FARP1: variants seen among roughly 807,000 people sequenced by gnomAD.
FARP1 encodes the protein FERM, ARH/RhoGEF and pleckstrin domain protein 1.
In FARP1, 52 loss-of-function variants were observed where a neutral mutation model predicts 128.8. The ratio of observed to expected loss-of-function variants is 0.40; its 90% confidence interval spans 0.32 to 0.51. The LOEUF is 0.51. Among genes scored for constraint, FARP1 ranks in the 20% least tolerant of loss-of-function variants. FARP1 has a pLI of 0.45. For synonymous variants in FARP1, 580 were observed against 551.8 expected (o/e 1.05, Z -0.72); for missense variants, 1,333 against 1,367.9 (o/e 0.97, Z 0.40).
At chr13:98,271,504 A>T (rs1396683663) in intron 2 of FARP1, among the ~76,000 whole-genome samples, 1 of 152,186 alleles carries the variant, frequency 6.6e-6, no homozygotes, top group Non-Finnish European at 1.5e-5. Flanking sequence ...TCAACCCGTC[A>T]TCTAGGTTTT....
intron 2 of FARP1, among the ~76,000 whole-genome samples, chr13:98,291,664 G>C (rs970130454): frequency 2.6e-5 from 4 of 152,114 alleles, no homozygotes. Flanking sequence ...CTGGTGCAGG[G>C]AGTCACTCCT....
intron 1 of FARP1, among the ~76,000 whole-genome samples, chr13:98,183,441 T>G (rs1878659554): frequency 6.6e-6 from 1 of 152,348 alleles, no homozygotes; most frequent in South Asian, 2.1e-4. Context: ...GAGGACTATT[T>G]TTTCTGAGCT....
intron 3 of FARP1, among the ~76,000 whole-genome samples, chr13:98,348,757 C>T (rs555492839): frequency 6.6e-6 from 1 of 151,944 alleles, no homozygotes; most frequent in Non-Finnish European, 1.5e-5. Flanking sequence ...TTTTTTTTAA[C>T]CACTGAAAAA....
intron 3 of FARP1, among the ~76,000 whole-genome samples, chr13:98,361,372 A>C (rs181567444): frequency 9.9e-5 from 15 of 152,270 alleles, no homozygotes; most frequent in Non-Finnish European, 2.9e-5. Flanking sequence ...CCTTGGCTCA[A>C]ATAGGTGCTT....
rs1435837752 is a variant in FARP1 at position 98,143,356 on chromosome 13, C to G, written c.-160C>G. Reference sequence around the variant, plus strand: ...TCAGCCGGCCACCGCCAGCCCTGCTCGCGCGCCCGCGCCGCCGCCGCCCGC... The same window carrying G: ...TCAGCCGGCCACCGCCAGCCCTGCTGGCGCGCCCGCGCCGCCGCCGCCCGC... On this transcript the variant is annotated 5_prime_UTR_variant, in exon 1 of 27. Coordinates refer to ENST00000319562, the MANE Select transcript of FARP1 (RefSeq NM_005766.4). 2 of 149,820 alleles carry G rather than the reference C, an allele frequency of 1.3e-5. No individual in the cohort carries two copies. The highest frequency in any genetic ancestry group is 3.0e-5 in the Non-Finnish European group (2 of 66,978). 9.3% of individuals were successfully genotyped at this position (149,820 alleles called of 1,614,324 possible). A position where few individuals can be genotyped will look rare whatever the true frequency, so the allele number is the denominator to read the frequency against.
chr13:98,338,994 G>A (rs1887853384), intron 2 of FARP1: 1 of 152,122 alleles, frequency 6.6e-6, no homozygotes, highest in Non-Finnish European at 1.5e-5. Context: ...GATAGTTCAG[G>A]ACCCCTTTCT....
At chr13:98,228,084 C>T (rs566012373) in intron 2 of FARP1, among the ~76,000 whole-genome samples, 3 of 152,302 alleles carry the variant, frequency 2.0e-5, no homozygotes, top group East Asian at 3.9e-4. Context: ...ATGGGCCGGG[C>T]GTGGTGGCTC....
intron 24 of FARP1, 70 bp downstream of exon 24, chr13:98,440,906 G>C: frequency 2.0e-6 from 3 of 1,473,130 alleles, no homozygotes; most frequent in Non-Finnish European, 2.7e-6. Flanking sequence ...CAAACTTCTG[G>C]GCCAGGGGCT....
chr13:98,391,155 A>C (rs1890289676), intron 11 of FARP1, among the ~76,000 whole-genome samples: 2 of 152,206 alleles, frequency 1.3e-5, no homozygotes, highest in African/African-American at 4.8e-5. Flanking sequence ...TTAGGACATC[A>C]CAGTGGGGGA....
At chr13:98,267,358 G>C (rs541778277) in intron 2 of FARP1, among the ~76,000 whole-genome samples, 1 of 152,110 alleles carries the variant, frequency 6.6e-6, no homozygotes, top group Non-Finnish European at 1.5e-5. Context: ...CGGTTGTGTC[G>C]GCCGAGCCCA....
At chr13:98,281,681 T>C (rs61594687) in intron 2 of FARP1, among the ~76,000 whole-genome samples, 4,855 of 152,296 alleles carry the variant, frequency 0.032, 236 homozygotes, top group African/African-American at 0.11. Flanking sequence ...ATCTGCTCCA[T>C]GGTCAACATT....
chr13:98,376,435 T>G (rs1889587872), intron 5 of FARP1, among the ~76,000 whole-genome samples: 1 of 152,236 alleles, frequency 6.6e-6, no homozygotes, highest in South Asian at 2.1e-4. Flanking sequence ...CCAATCATGC[T>G]GTGCAAATGA....
chr13:98,411,980 T>C lies in FARP1; in HGVS notation c.1772T>C (p.Leu591Ser). The C allele has an allele frequency of 6.2e-7, 1 of 1,614,114 alleles. No individual in the cohort carries two copies. Among genetic ancestry groups the C allele is most frequent in the Non-Finnish European group, 8.5e-7 (1 of 1,179,944 alleles). ...KSLIFPNFEP[L>S]HKFHTNFLKE... ...CTCATATTCCCGAATTTTGAACCTTTGCACAAATTTCATACTAATTTTCTC... is the reference window on the plus strand; with the variant it reads ...CTCATATTCCCGAATTTTGAACCTTCGCACAAATTTCATACTAATTTTCTC... Residue 591 changes from leucine (L) to serine (S), a missense_variant, in exon 16 of 27, where the codon TTG (leucine) becomes TCG (serine). Leu to Ser is a moderately radical substitution (Grantham distance 145). Transcript: ENST00000319562.
chr13:98,316,916 T>C (rs1189479428), intron 2 of FARP1, among the ~76,000 whole-genome samples: 1 of 152,180 alleles, frequency 6.6e-6, no homozygotes, highest in Non-Finnish European at 1.5e-5. Flanking sequence ...CATCCCACTT[T>C]GGTTACACGT....
intron 2 of FARP1, among the ~76,000 whole-genome samples, chr13:98,233,070 G>C (rs147886150): frequency 3.1e-4 from 47 of 152,284 alleles, no homozygotes; most frequent in African/African-American, 1.1e-3. Flanking sequence ...TCAGTGGGTA[G>C]GTTTTTCCAA....
At chr13:98,292,634 TC>T (rs1190776177) in intron 2 of FARP1, among the ~76,000 whole-genome samples, 5 of 152,096 alleles carry the variant, frequency 3.3e-5, no homozygotes, top group African/African-American at 1.2e-4. Flanking sequence ...TATAGAACAT[TC>T]CCTCCCTGGT....
chr13:98,154,160 G>A (rs993704102), intron 1 of FARP1, among the ~76,000 whole-genome samples: 5 of 152,302 alleles, frequency 3.3e-5, no homozygotes, highest in East Asian at 1.9e-4. Context: ...ACCACAGTGT[G>A]TTTATCCATT....
At chr13:98,264,367 C>T (rs1413344695) in intron 2 of FARP1, among the ~76,000 whole-genome samples, 1 of 152,216 alleles carries the variant, frequency 6.6e-6, no homozygotes, top group Non-Finnish European at 1.5e-5. Context: ...GCGTGATGGA[C>T]TCTCATGCCA....
chr13:98,290,079 G>A (rs1322428134), intron 2 of FARP1, among the ~76,000 whole-genome samples: 3 of 149,876 alleles, frequency 2.0e-5, no homozygotes, highest in Non-Finnish European at 4.4e-5. Flanking sequence ...TTGGTGTTGG[G>A]TGGCGAGGAG....
Sources: allele counts gnomAD v4.1 joint callset (sites outside exome capture counted in the v4.1 genomes callset), GRCh38; gene constraint gnomAD v4.1.1; transcripts MANE v1.5; gene names NCBI Gene and HGNC (gene_info 2026-07-23, HGNC 2026-07-21).